NXPH1: variants seen among roughly 807,000 people sequenced by gnomAD.
The protein encoded by NXPH1 is neurexophilin-1.
NXPH1 carries 5 observed loss-of-function variants against 23.7 expected under a neutral mutation model. The observed-to-expected ratio is 0.21, with a 90% CI of 0.11 to 0.44. The LOEUF (loss-of-function observed/expected upper bound fraction) is 0.44. Among genes scored for constraint, NXPH1 ranks in the 20% least tolerant of loss-of-function variants. The pLI, the probability that NXPH1 is intolerant of heterozygous loss-of-function variation, is 0.99. For missense variants in NXPH1, 324 were observed against 321.6 expected (o/e 1.01, Z -0.06); for synonymous variants, 144 against 122.2 (o/e 1.18, Z -1.18).
At chr7:8,626,139 A>C (rs1352156207) in intron 2 of NXPH1, among the ~76,000 whole-genome samples, 1 of 152,054 alleles carries the variant, frequency 6.6e-6, no homozygotes, top group Non-Finnish European at 1.5e-5. Flanking sequence ...AAGCACGTGG[A>C]CTTCACTGGC....
chr7:8,592,516 C>G, intron 2 of NXPH1, among the ~76,000 whole-genome samples: 1 of 152,020 alleles, frequency 6.6e-6, no homozygotes, highest in East Asian at 1.9e-4. Context: ...TCTTACAAAG[C>G]AATCATCATA....
chr7:8,609,559 A>G (rs1030495270), intron 2 of NXPH1, among the ~76,000 whole-genome samples: 29 of 152,182 alleles, frequency 1.9e-4, no homozygotes, highest in African/African-American at 6.8e-4. Context: ...TTGAAAGACG[A>G]AAAGATATTT....
intron 2 of NXPH1, among the ~76,000 whole-genome samples, chr7:8,656,474 A>G (rs1189663069): frequency 1.3e-5 from 2 of 151,866 alleles, no homozygotes; most frequent in African/African-American, 4.8e-5. Flanking sequence ...CAACTTTACT[A>G]AAATCGGATA....
intron 2 of NXPH1, among the ~76,000 whole-genome samples, chr7:8,719,654 G>A (rs1779933542): frequency 6.6e-6 from 1 of 152,088 alleles, no homozygotes; most frequent in South Asian, 2.1e-4. Context: ...CCATAAAAAA[G>A]GCATCTGCCT....
In NXPH1 at chr7:8,751,105, A is replaced by G; in HGVS notation, c.152A>G (p.Lys51Arg). The G allele has an allele frequency of 6.2e-7, 1 of 1,613,846 alleles. No individual in the cohort carries two copies. The highest frequency in any genetic ancestry group is 8.5e-7 in the Non-Finnish European group (1 of 1,179,778). Residue 51 changes from lysine to arginine, a missense_variant, in exon 3 of 3, where the codon AAA becomes AGA. By Grantham distance (26) the Lys-to-Arg change is conservative. Transcript: ENST00000405863. The surrounding 1 kb of genome is among the most constrained non-coding windows in gnomAD (Gnocchi z 4.5). Reference sequence around the variant, plus strand: ...AAGCACATATGGACAGAAAGCAGCAAAGACTTGTCTATCAGCCGACTCCTG... The same window carrying G: ...AAGCACATATGGACAGAAAGCAGCAGAGACTTGTCTATCAGCCGACTCCTG... Reference protein sequence around the residue: ...TLKHIWTESSKDLSISRLLSQ... With the variant: ...TLKHIWTESSRDLSISRLLSQ...
At position 8,684,037 on chromosome 7, in the gene NXPH1, G is replaced by C. The variant is rs186433443; in HGVS notation, c.55-66971G>C. ...TTGGTGGGGCACAGCACTTCAGGTA[G>C]AGAGAGATGAAAGAACTGTATCATG... On this transcript the variant is annotated intron_variant, in intron 2 of 2. Transcript: ENST00000405863. Among the ~76,000 whole-genome samples the C allele has an allele frequency of 2.6e-5, 4 of 152,240 alleles. No individual in the cohort carries two copies. The East Asian group carries it at 7.7e-4, about 29-fold the overall frequency.
At chr7:8,635,787 T>C (rs1403928728) in intron 2 of NXPH1, among the ~76,000 whole-genome samples, 1 of 152,218 alleles carries the variant, frequency 6.6e-6, no homozygotes, top group Non-Finnish European at 1.5e-5. Context: ...GCTTTTTTTC[T>C]TTTTTTGACA....
intron 2 of NXPH1, among the ~76,000 whole-genome samples, chr7:8,580,293 T>C (rs923539248): frequency 6.6e-6 from 1 of 152,178 alleles, no homozygotes; most frequent in Non-Finnish European, 1.5e-5. Context: ...GCTGCTATTG[T>C]TAAAAGTTTA....
At chr7:8,657,451 G>A (rs1180859298) in intron 2 of NXPH1, among the ~76,000 whole-genome samples, 1 of 152,148 alleles carries the variant, frequency 6.6e-6, no homozygotes, top group Non-Finnish European at 1.5e-5. Context: ...ACAAGGGTCT[G>A]GACACTTGAC....
At chr7:8,561,839 G>A (rs188122734) in intron 2 of NXPH1, among the ~76,000 whole-genome samples, 58 of 151,654 alleles carry the variant, frequency 3.8e-4, no homozygotes, top group Non-Finnish European at 7.2e-4. Flanking sequence ...GCAGAAAGTC[G>A]GCAAACAATG....
intron 2 of NXPH1, among the ~76,000 whole-genome samples, chr7:8,571,944 T>C (rs1818657879): frequency 6.6e-6 from 1 of 151,594 alleles, no homozygotes; most frequent in Non-Finnish European, 1.5e-5. Flanking sequence ...GAATTCACTA[T>C]CTGCTGAGTT....
chr7:8,714,053 A>G (rs1161659475), intron 2 of NXPH1, among the ~76,000 whole-genome samples: 1 of 152,226 alleles, frequency 6.6e-6, no homozygotes, highest in African/African-American at 2.4e-5. Flanking sequence ...GGGTGGGTTC[A>G]GAAATGCAGT....
chr7:8,654,131 G>C (rs1004556750), intron 2 of NXPH1, among the ~76,000 whole-genome samples: 31 of 152,050 alleles, frequency 2.0e-4, no homozygotes, highest in African/African-American at 7.5e-4. Flanking sequence ...ACTCTTCATT[G>C]CTTTTGGATA....
intron 2 of NXPH1, among the ~76,000 whole-genome samples, chr7:8,555,161 G>T (rs1428884772): frequency 6.6e-6 from 1 of 151,686 alleles, no homozygotes; most frequent in Non-Finnish European, 1.5e-5. Context: ...ATGGTCAGGA[G>T]TGAATACAGT....
At chr7:8,538,815 C>T (rs1444686518) in intron 2 of NXPH1, among the ~76,000 whole-genome samples, 4 of 151,710 alleles carry the variant, frequency 2.6e-5, no homozygotes, top group Non-Finnish European at 4.4e-5. Context: ...TAGAAGGTGA[C>T]GGTAAAGCTG....
At chr7:8,536,724 A>T (rs781541363) in intron 2 of NXPH1, among the ~76,000 whole-genome samples, 1 of 151,976 alleles carries the variant, frequency 6.6e-6, no homozygotes, top group Admixed American at 6.6e-5. Flanking sequence ...TTAGAAATCT[A>T]TATTAATATC....
At chr7:8,539,550 CT>C (rs1170298920) in intron 2 of NXPH1, among the ~76,000 whole-genome samples, 30 of 151,906 alleles carry the variant, frequency 2.0e-4, no homozygotes, top group Non-Finnish European at 4.0e-4. Flanking sequence ...CTTATCAAGA[CT>C]TTCACAGTGG....
At chr7:8,486,018 T>C (rs1584187809) in intron 2 of NXPH1, among the ~76,000 whole-genome samples, 2 of 152,294 alleles carry the variant, frequency 1.3e-5, no homozygotes, top group South Asian at 4.1e-4. Flanking sequence ...GAAGATAAAA[T>C]GCCTAGAAAG....
intron 2 of NXPH1, among the ~76,000 whole-genome samples, chr7:8,527,775 C>T (rs372802372): frequency 1.3e-5 from 2 of 152,194 alleles, no homozygotes; most frequent in Non-Finnish European, 2.9e-5. Context: ...ACATTTTCCT[C>T]TCCTGAAGAG....
Sources: gnomAD v4.1 joint callset for allele counts (sites outside exome capture counted in the v4.1 genomes callset) on GRCh38, gnomAD v4.1.1 for gene constraint, Gnocchi (gnomAD v3.1) non-coding constraint, MANE v1.5 for transcripts, NCBI Gene and HGNC (gene_info 2026-07-23, HGNC 2026-07-21) for gene names.